The following MTA3 variants were observed in gnomAD, a reference collection of about 807,000 sequenced individuals.
MTA3 encodes the protein metastasis-associated protein MTA3.
Under a neutral mutation model 83.5 loss-of-function variants are expected in MTA3, and 34 were observed. That is an observed-to-expected ratio of 0.41 (90% CI 0.31 to 0.54). The LOEUF (loss-of-function observed/expected upper bound fraction) is 0.54. Ranked by LOEUF, MTA3 falls within the 20% of genes least tolerant of loss-of-function variation. MTA3 has a pLI of 0.33. For missense variants in MTA3, 761 were observed against 726.4 expected (o/e 1.05, Z -0.55); for synonymous variants, 303 against 252.7 (o/e 1.20, Z -1.89).
rs578231019 is a variant in MTA3, at chr2:42,519,865, A to G, written c.-141+24611A>G. ...GGAGTTCAAGACCATCCTGGGCAACATGGTGAAACCCTGTCTCACGTAAAC... is the reference window on the plus strand; with the variant it reads ...GGAGTTCAAGACCATCCTGGGCAACGTGGTGAAACCCTGTCTCACGTAAAC... On this transcript the variant is annotated intron_variant, in intron 2 of 17. Transcript: ENST00000405592. Among the ~76,000 whole-genome samples, 19 of 152,266 alleles carry G rather than the reference A, an allele frequency of 1.2e-4. No individual in the cohort carries two copies. The South Asian group carries it at 1.7e-3, about 13-fold the overall frequency.
intron 2 of MTA3, among the ~76,000 whole-genome samples, chr2:42,506,573 TAGAG>T (rs1285004997): frequency 1.3e-5 from 2 of 151,970 alleles, no homozygotes; most frequent in African/African-American, 4.8e-5. Flanking sequence ...GATCTGAAAA[TAGAG>T]AGGTGTAGGC....
At chr2:42,610,691 C>A (rs1053448069) in intron 4 of MTA3, among the ~76,000 whole-genome samples, 1 of 152,092 alleles carries the variant, frequency 6.6e-6, no homozygotes, top group African/African-American at 2.4e-5. Context: ...TCAAAAGATT[C>A]TTACCCTCGG....
At chr2:42,567,035 G>A (rs920283997), upstream of MTA3, among the ~76,000 whole-genome samples, 4 of 152,188 alleles carry the variant, frequency 2.6e-5, no homozygotes, top group African/African-American at 9.7e-5. Context: ...GCTATGCAAT[G>A]TGTGGAACAG....
chr2:42,585,165 C>T (rs1680123484), intron 3 of MTA3, among the ~76,000 whole-genome samples: 1 of 152,164 alleles, frequency 6.6e-6, no homozygotes, highest in Non-Finnish European at 1.5e-5. Flanking sequence ...CTCCGGCTCA[C>T]TGCAACCTCC....
chr2:42,745,121 A>G (rs1240744319), intron 16 of MTA3, among the ~76,000 whole-genome samples: 1 of 152,264 alleles, frequency 6.6e-6, no homozygotes, highest in Non-Finnish European at 1.5e-5. Flanking sequence ...TATCAGCCAG[A>G]TATTTATTTT....
chr2:42,516,401 T>A (rs1675147650), intron 2 of MTA3, among the ~76,000 whole-genome samples: 1 of 152,204 alleles, frequency 6.6e-6, no homozygotes. Flanking sequence ...TGGATACATC[T>A]TTATGAAACT....
chr2:42,565,395 T>G (rs553531004), upstream of MTA3, among the ~76,000 whole-genome samples: 5 of 149,578 alleles, frequency 3.3e-5, no homozygotes, highest in South Asian at 1.1e-3. Flanking sequence ...CCATGTTGCC[T>G]AGGCTCAAAT....
chr2:42,615,463 C>G (rs1403891976), intron 4 of MTA3, among the ~76,000 whole-genome samples: 3 of 151,858 alleles, frequency 2.0e-5, no homozygotes, highest in Non-Finnish European at 4.4e-5. Context: ...TCAAGCGATT[C>G]TCTTGTCTCT....
chr2:42,609,838 C>A (rs1275920320), intron 4 of MTA3, among the ~76,000 whole-genome samples: 1 of 152,206 alleles, frequency 6.6e-6, no homozygotes, highest in Non-Finnish European at 1.5e-5. Context: ...GTGGCTCACG[C>A]CTGTAATTCC....
chr2:42,523,392 C>T (rs1441844279), intron 2 of MTA3, among the ~76,000 whole-genome samples: 1 of 152,092 alleles, frequency 6.6e-6, no homozygotes, highest in African/African-American at 2.4e-5. Flanking sequence ...AATTGAACGG[C>T]GTGTTCTCGT....
At chr2:42,725,653 C>T (rs1327456628) in intron 16 of MTA3, among the ~76,000 whole-genome samples, 1 of 152,208 alleles carries the variant, frequency 6.6e-6, no homozygotes, top group Non-Finnish European at 1.5e-5. Context: ...GAGGAGAGGG[C>T]ACTGCCCTGC....
chr2:42,533,083 CTTTTTTT>C (rs1165012015), intron 2 of MTA3: 4 of 116,982 alleles, frequency 3.4e-5, no homozygotes, highest in South Asian at 2.5e-4. Context: ...GTGGGGCATT[CTTTTTTT>C]TTTTTTTTTT....
chr2:42,564,850 C>G (rs1189256250), upstream of MTA3, among the ~76,000 whole-genome samples: 1 of 152,128 alleles, frequency 6.6e-6, no homozygotes, highest in African/African-American at 2.4e-5. Context: ...GATCTTGGCT[C>G]ACTGCAATCT....
rs1558626014 is a variant in MTA3 at position 42,729,094 on chromosome 2, T to TTTTTG, written c.1759+6063_1759+6064insGTTTT. Among the ~76,000 whole-genome samples, 181 of 118,890 alleles carry TTTTTG rather than the reference T, an allele frequency of 1.5e-3. 10 individuals are homozygous for TTTTTG. The highest frequency in any genetic ancestry group is 5.9e-3 in the African/African-American group (174 of 29,608). The allele number at this position is 118,890 out of a possible 152,430, so 78.0% of individuals were successfully genotyped here. ...TTAGTTTCACAGTTTGAGTTTTTTT[T>TTTTTG]TTTTTTTTTTTTTTTTTTTCACAGA... is the stretch of plus-strand genomic sequence containing the variant. On this transcript the variant is annotated intron_variant, in intron 16 of 16. Transcript: ENST00000405094.
intron 3 of MTA3, among the ~76,000 whole-genome samples, chr2:42,593,112 C>T (rs1182480082): frequency 3.3e-5 from 5 of 151,242 alleles, no homozygotes; most frequent in African/African-American, 7.3e-5. Flanking sequence ...GAGATCATGT[C>T]ACTGCACTCC....
At position 42,707,892 on chromosome 2, in the gene MTA3, T is replaced by G. The variant is rs1044001034; in HGVS notation, c.1151-11T>G. 3.3e-6 allele frequency: 5 copies of G among 1,507,708 alleles called. No individual in the cohort carries two copies. The highest frequency in any genetic ancestry group is 4.4e-6 in the Non-Finnish European group (5 of 1,128,658). The allele number at this position is 1,507,708 out of a possible 1,614,324, so 93.4% of individuals were successfully genotyped here. On this transcript the variant is annotated splice_polypyrimidine_tract_variant and intron_variant, in intron 12 of 16. Coordinates refer to ENST00000405094, the MANE Select transcript of MTA3 (RefSeq NM_001330442.2). ...CATTTTTCGTTTTTTCTTATTTTTC[T>G]TCTGCTTTAGCTACACAGTCTCACC...
intron 3 of MTA3, among the ~76,000 whole-genome samples, chr2:42,580,647 G>C (rs974787801): frequency 6.6e-5 from 10 of 152,084 alleles, no homozygotes; most frequent in African/African-American, 2.2e-4. Flanking sequence ...TGGGATTACA[G>C]TGCAATGACA....
At chr2:42,586,977 C>A (rs561019999) in intron 3 of MTA3, among the ~76,000 whole-genome samples, 21 of 152,154 alleles carry the variant, frequency 1.4e-4, no homozygotes, top group Middle Eastern at 3.4e-3. Context: ...GAGCTGAGAT[C>A]GTGCCACTGC....
At chr2:42,672,726 G>C (rs1690938398) in intron 8 of MTA3, among the ~76,000 whole-genome samples, 1 of 151,408 alleles carries the variant, frequency 6.6e-6, no homozygotes, top group Non-Finnish European at 1.5e-5. Flanking sequence ...GTGTCTTTTA[G>C]GTTGATTTGA....
Sources: allele counts gnomAD v4.1 joint callset (sites outside exome capture counted in the v4.1 genomes callset), GRCh38; gene constraint gnomAD v4.1.1; transcripts MANE v1.5; gene names NCBI Gene and HGNC (gene_info 2026-07-23, HGNC 2026-07-21).